The following MCF2L variants were observed in gnomAD, a reference collection of about 807,000 sequenced individuals.
MCF2L encodes MCF.2 cell line derived transforming sequence like.
In MCF2L, 97 loss-of-function variants were observed where a neutral mutation model predicts 153.4. The ratio of observed to expected loss-of-function variants is 0.63; its 90% CI spans 0.54 to 0.75. The LOEUF (loss-of-function observed/expected upper bound fraction) is 0.75. Ranked by LOEUF, MCF2L falls within the 30% of genes least tolerant of loss-of-function variation. MCF2L has a pLI of 0.00. For missense variants in MCF2L, 1,347 were observed against 1,495.2 expected (o/e 0.90, Z 1.64); for synonymous variants, 659 against 632.2 (o/e 1.04, Z -0.64).
intron 7 of MCF2L, 100 bp from the exon 8 acceptor site, chr13:113,065,946 G>C: frequency 7.6e-7 from 1 of 1,313,036 alleles, no homozygotes; most frequent in Non-Finnish European, 1.0e-6. Context: ...CCCTTCCTCA[G>C]TCCCCGCCCC....
chr13:112,963,840 G>GC (rs1310583763), intron 2 of MCF2L, among the ~76,000 whole-genome samples: 2 of 152,182 alleles, frequency 1.3e-5, no homozygotes, highest in Non-Finnish European at 2.9e-5. Context: ...AAGAGTGCTG[G>GC]CCCCCCAGAA....
chr13:112,911,271 A>G (rs1268556495), intron 2 of MCF2L, among the ~76,000 whole-genome samples: 1 of 152,140 alleles, frequency 6.6e-6, no homozygotes, highest in African/African-American at 2.4e-5. Flanking sequence ...GCCCGTTTGC[A>G]ATGTCCCACG....
At chr13:112,935,918 G>A (rs2081509988) in intron 2 of MCF2L, among the ~76,000 whole-genome samples, 1 of 152,148 alleles carries the variant, frequency 6.6e-6, no homozygotes, top group South Asian at 2.1e-4. Flanking sequence ...AGGAGCACCA[G>A]GGATCAGGAG....
In MCF2L at chr13:113,090,947, G is replaced by A. The variant is rs927928192; in HGVS notation, c.2953+1219G>A. 65 of 1,204,048 alleles carry A rather than the reference G, an allele frequency of 5.4e-5. No homozygotes were observed. In the African/African-American group the frequency reaches 8.2e-4, roughly 15 times the overall value. 74.6% of individuals were successfully genotyped at this position (1,204,048 alleles called of 1,614,324 possible). A position where few individuals can be genotyped will look rare whatever the true frequency, so the allele number is the denominator to read the frequency against. Reference sequence around the variant, plus strand: ...GCCCTCCCGGCCCCTCCTTCACTGCGCGGCCCCTCGGCTCCCTGTGTTTTG... The same window carrying A: ...GCCCTCCCGGCCCCTCCTTCACTGCACGGCCCCTCGGCTCCCTGTGTTTTG... On this transcript the variant is annotated intron_variant, in intron 26 of 29. Transcript: ENST00000535094.
intron 4 of MCF2L, chr13:113,052,751 A>G (rs899276627): frequency 2.2e-5 from 3 of 136,812 alleles, no homozygotes; most frequent in Middle Eastern, 7.1e-3. Context: ...CAAAGTGCCC[A>G]TTCGTGTGTG....
At chr13:112,966,051 C>G (rs542092468), upstream of MCF2L, 5 of 152,310 alleles carry the variant, frequency 3.3e-5, no homozygotes, top group South Asian at 1.0e-3. This position sits in a 1 kb window ranked among gnomAD's most constrained non-coding sequence, Gnocchi z 4.1. Flanking sequence ...CTGTAAAACG[C>G]GAAAAACAGT....
rs1258661352 is a variant in MCF2L at position 113,054,201 on chromosome 13, C to T, written c.370-6392C>T. On this transcript the variant is annotated intron_variant, in intron 4 of 29. Transcript: ENST00000535094. The surrounding 1 kb of genome is among the most constrained non-coding windows in gnomAD (Gnocchi z 5.2). ...AGGATCCTGGATGCACGCCTGTTCT[C>T]CAGGTCTGCTTCCCGTGAAATTCGT... 1.8e-5 allele frequency: 3 copies of T among 167,470 alleles called. No individual in the cohort carries two copies. The highest frequency in any genetic ancestry group is 7.2e-5 in the African/African-American group (3 of 41,446). The allele number at this position is 167,470 out of a possible 1,614,324, so 10.4% of individuals were successfully genotyped here. A position where few individuals can be genotyped will look rare whatever the true frequency, so the allele number is the denominator to read the frequency against.
At position 113,051,364 on chromosome 13, in the gene MCF2L, C is replaced by T. The variant is rs888922739; in HGVS notation, c.369+6003C>T. On this transcript the variant is annotated intron_variant, in intron 4 of 29. Coordinates refer to ENST00000535094, the MANE Select transcript of MCF2L (RefSeq NM_001112732.3). ...GTGGTCCCAGGGCCACGGCGGTGGG[C>T]GGTGCCGGTCATGCAGAATATTGCA... 3.3e-5 allele frequency among the ~76,000 whole-genome samples: 5 copies of T among 152,270 alleles called. No individual in the cohort carries two copies. In the East Asian group the frequency reaches 7.8e-4, roughly 24 times the overall value.
chr13:113,060,794 C>T (rs978015219), intron 5 of MCF2L, 82 bp downstream of exon 5: 31 of 1,565,550 alleles, frequency 2.0e-5, no homozygotes, highest in Middle Eastern at 1.7e-4. Context: ...TCGAAATCCT[C>T]GAGGAGCTGA....
intron 1 of MCF2L, among the ~76,000 whole-genome samples, chr13:113,012,961 G>T: frequency 6.8e-6 from 1 of 148,044 alleles, no homozygotes; most frequent in African/African-American, 2.5e-5. Context: ...ACTGTGATGC[G>T]GACGGTGGAC....
intron 2 of MCF2L, among the ~76,000 whole-genome samples, chr13:112,953,900 CCT>C (rs1022418279): frequency 1.4e-4 from 21 of 152,322 alleles, no homozygotes; most frequent in Admixed American, 1.3e-3. Flanking sequence ...CGCTGCCTCA[CCT>C]CTCCTCCCCC....
chr13:113,023,850 CA>C (rs1189155096), intron 2 of MCF2L, among the ~76,000 whole-genome samples: 2 of 152,244 alleles, frequency 1.3e-5, no homozygotes, highest in African/African-American at 4.8e-5. Flanking sequence ...AGTCCACCCT[CA>C]ACCCTGGGTA....
Position 113,078,698 on chromosome 13 carries a change from C to T in MCF2L, c.1767C>T (p.Gly589=). ...SEMSESRQGR[G]SAGEEEESLA... is the part of the protein sequence containing the mutation. ...TGAGTGAGAGCCGGCAGGGCCGCGG[C>T]TCAGCGGGGGAGGAGGAGGAAAGCC... The change falls in exon 15 of 30, where the codon GGC becomes GGT. Residue 589 remains glycine (G), a synonymous_variant. Coordinates refer to ENST00000535094, the MANE Select transcript of MCF2L (RefSeq NM_001112732.3). The T allele has an allele frequency of 6.2e-7, 1 of 1,611,012 alleles. No individual in the cohort carries two copies. The highest frequency in any genetic ancestry group is 8.5e-7 in the Non-Finnish European group (1 of 1,179,744).
chr13:112,916,298 C>T (rs1056530028), intron 2 of MCF2L, among the ~76,000 whole-genome samples: 5 of 151,516 alleles, frequency 3.3e-5, no homozygotes, highest in African/African-American at 1.2e-4. Context: ...CTATTTATTG[C>T]TTTTGTTCCC....
Position 113,082,435 on chromosome 13 carries a change from C to G in MCF2L, c.1884C>G (p.Ala628=). Reference sequence around the variant, plus strand: ...CTGCGCTCTCCCTGCAGGGCTACGCCGCGGAGATGGATAACCCACTGATGG... The same window carrying G: ...CTGCGCTCTCCCTGCAGGGCTACGCGGCGGAGATGGATAACCCACTGATGG... ...EELLCVLEGY[A]AEMDNPLMAH... The change falls in exon 17 of 30, where the codon GCC becomes GCG. Residue 628 remains alanine, a synonymous_variant. Coordinates refer to ENST00000535094, the MANE Select transcript of MCF2L (RefSeq NM_001112732.3). 2 of 1,611,810 alleles carry G rather than the reference C, an allele frequency of 1.2e-6. No individual in the cohort carries two copies. The highest frequency in any genetic ancestry group is 1.7e-5 in the Admixed American group (1 of 60,018).
At chr13:112,928,711 C>A (rs142559505) in intron 2 of MCF2L, among the ~76,000 whole-genome samples, 6 of 152,330 alleles carry the variant, frequency 3.9e-5, no homozygotes, top group African/African-American at 1.2e-4. Flanking sequence ...GACTAAGAGA[C>A]ACATGTAAAA....
chr13:113,071,420 A>G (rs920351488), intron 9 of MCF2L, among the ~76,000 whole-genome samples: 12 of 152,152 alleles, frequency 7.9e-5, no homozygotes, highest in Non-Finnish European at 1.3e-4. Flanking sequence ...ACGAACTCCA[A>G]TTTGTCAATT....
upstream of MCF2L, chr13:112,968,444 C>T (rs1354928472): frequency 1.3e-6 from 2 of 1,587,908 alleles, no homozygotes; most frequent in Admixed American, 1.7e-5. Context: ...GTCGAGTGCA[C>T]AGTGTGGCTT....
chr13:113,071,045 C>G (rs554202664), intron 9 of MCF2L, among the ~76,000 whole-genome samples: 1 of 151,956 alleles, frequency 6.6e-6, no homozygotes, highest in East Asian at 1.9e-4. Context: ...TTCCCCTTTC[C>G]CCAGCACGTG....
Sources: allele counts gnomAD v4.1 joint callset (sites outside exome capture counted in the v4.1 genomes callset), GRCh38; gene constraint gnomAD v4.1.1; non-coding constraint Gnocchi (gnomAD v3.1); transcripts MANE v1.5; gene names NCBI Gene and HGNC (gene_info 2026-07-23, HGNC 2026-07-21).